The following SRBD1 variants were observed in gnomAD, a reference collection of about 807,000 sequenced individuals.
SRBD1 encodes S1 RNA-binding domain-containing protein 1.
A neutral mutation model predicts 115.3 loss-of-function variants in SRBD1; 88 were observed. That is an observed-to-expected ratio of 0.76 (90% confidence interval 0.64 to 0.91). The LOEUF (loss-of-function observed/expected upper bound fraction) is 0.91, where lower values mean the gene tolerates loss of function less well. Among genes scored for constraint, SRBD1 ranks in the 40% least tolerant of loss-of-function variants. The pLI is 0.00. For synonymous variants in SRBD1, 509 were observed against 407.7 expected, an observed-to-expected ratio of 1.25 and a Z score of -2.99; for missense variants, 1,385 against 1,177.4, an observed-to-expected ratio of 1.18 and a Z score of -2.58.
chr2:45,596,695 G>A (rs888417405), intron 4 of SRBD1, among the ~76,000 whole-genome samples: 10 of 151,988 alleles, frequency 6.6e-5, no homozygotes, highest in South Asian at 4.1e-4. Flanking sequence ...GTACAGAGCC[G>A]AGCTCATAAC....
intron 14 of SRBD1, among the ~76,000 whole-genome samples, chr2:45,535,996 A>C (rs1188839855): frequency 1.3e-5 from 2 of 151,990 alleles, no homozygotes; most frequent in Non-Finnish European, 2.9e-5. Context: ...CACTTCTTTC[A>C]GCTTTGTATA....
chr2:45,609,034 T>C (rs1674361900), intron 1 of SRBD1, among the ~76,000 whole-genome samples: 1 of 152,274 alleles, frequency 6.6e-6, no homozygotes, highest in East Asian at 1.9e-4. Context: ...CTCGAACTCC[T>C]GGCCTCAGGT....
chr2:45,490,771 A>G (rs993776054), intron 14 of SRBD1, among the ~76,000 whole-genome samples: 2 of 152,184 alleles, frequency 1.3e-5, no homozygotes. Context: ...CTCAGATAAT[A>G]AATATTCCTC....
chr2:45,488,356 A>G, intron 14 of SRBD1, 25 bp from the exon 15 acceptor site: 1 of 1,596,624 alleles, frequency 6.3e-7, no homozygotes, highest in African/African-American at 1.3e-5. Flanking sequence ...AAAGGGGAAT[A>G]TCACTTTCCT....
At chr2:45,528,107 T>C (rs928144606) in intron 14 of SRBD1, among the ~76,000 whole-genome samples, 1 of 151,920 alleles carries the variant, frequency 6.6e-6, no homozygotes, top group East Asian at 1.9e-4. Flanking sequence ...CTAATTCTTA[T>C]AATGAATAAA....
At chr2:45,500,354 T>A (rs535341669) in intron 14 of SRBD1, among the ~76,000 whole-genome samples, 14 of 151,960 alleles carry the variant, frequency 9.2e-5, no homozygotes, top group Non-Finnish European at 1.5e-4. Flanking sequence ...TATGTGTGTG[T>A]GTAGCTATTA....
intron 16 of SRBD1, among the ~76,000 whole-genome samples, chr2:45,424,298 C>T (rs939380090): frequency 1.3e-5 from 2 of 152,102 alleles, no homozygotes; most frequent in Non-Finnish European, 2.9e-5. Flanking sequence ...CTTGTGTAAT[C>T]CCCTCCTACT....
chr2:45,582,812 C>T (rs1673405931), intron 5 of SRBD1, among the ~76,000 whole-genome samples: 1 of 152,150 alleles, frequency 6.6e-6, no homozygotes, highest in African/African-American at 2.4e-5. Context: ...TACTTAAAAA[C>T]CAAGGTATAG....
intron 14 of SRBD1, among the ~76,000 whole-genome samples, chr2:45,502,866 C>T (rs1670679304): frequency 6.6e-6 from 1 of 152,104 alleles, no homozygotes; most frequent in Admixed American, 6.5e-5. Context: ...GTCACCCATG[C>T]TGGAGTACAG....
chr2:45,434,457 C>G (rs751820316), intron 16 of SRBD1, among the ~76,000 whole-genome samples: 3 of 152,140 alleles, frequency 2.0e-5, no homozygotes, highest in Non-Finnish European at 4.4e-5. Flanking sequence ...CATATGTGCA[C>G]CTTAACATTT....
At chr2:45,474,254 G>T (rs182355008) in intron 16 of SRBD1, among the ~76,000 whole-genome samples, 66 of 152,208 alleles carry the variant, frequency 4.3e-4, no homozygotes, top group Admixed American at 1.2e-3. Flanking sequence ...TAAGTTTGGT[G>T]CCTCATTTGT....
chr2:45,491,221 C>T (rs965932616), intron 14 of SRBD1, among the ~76,000 whole-genome samples: 5 of 151,928 alleles, frequency 3.3e-5, no homozygotes, highest in Non-Finnish European at 7.4e-5. Flanking sequence ...GGAAATTTTC[C>T]AATAAACTAT....
At chr2:45,568,039 T>C (rs1672889658) in intron 9 of SRBD1, 3 of 151,736 alleles carry the variant, frequency 2.0e-5, no homozygotes. Context: ...AGTAGTGGGT[T>C]AAAGCGGAAT....
intron 19 of SRBD1, among the ~76,000 whole-genome samples, chr2:45,409,932 CA>C (rs1292233924): frequency 6.6e-6 from 1 of 152,060 alleles, no homozygotes; most frequent in African/African-American, 2.4e-5. Context: ...AGCAATATGA[CA>C]TTTTTTTTGT....
chr2:45,463,707 T>C (rs1198936764), intron 16 of SRBD1, among the ~76,000 whole-genome samples: 4 of 152,218 alleles, frequency 2.6e-5, no homozygotes, highest in African/African-American at 9.7e-5. Flanking sequence ...CATATAATTA[T>C]ATCCCAAAAT....
chr2:45,495,920 C>T (rs887813653), intron 14 of SRBD1, among the ~76,000 whole-genome samples: 1 of 152,188 alleles, frequency 6.6e-6, no homozygotes, highest in Non-Finnish European at 1.5e-5. Context: ...TGTCAACCCA[C>T]CTGCCATCCC....
At chr2:45,596,971 A>C (rs1673919088) in intron 4 of SRBD1, among the ~76,000 whole-genome samples, 1 of 137,808 alleles carries the variant, frequency 7.3e-6, no homozygotes, top group Non-Finnish European at 1.6e-5. Flanking sequence ...TAACACACAC[A>C]CCCACACCCA....
chr2:45,595,465 T>A (rs1673865563), intron 4 of SRBD1, among the ~76,000 whole-genome samples: 1 of 152,214 alleles, frequency 6.6e-6, no homozygotes, highest in Non-Finnish European at 1.5e-5. Flanking sequence ...GGACATACAT[T>A]TTGTGGCAGA....
chr2:45,495,933 C>G (rs537819129), intron 14 of SRBD1, among the ~76,000 whole-genome samples: 1 of 152,316 alleles, frequency 6.6e-6, no homozygotes, highest in South Asian at 2.1e-4. Context: ...GCCATCCCCA[C>G]AAAGCACCCA....
Sources: allele counts gnomAD v4.1 joint callset (sites outside exome capture counted in the v4.1 genomes callset), GRCh38; gene constraint gnomAD v4.1.1; transcripts MANE v1.5; gene names NCBI Gene and HGNC (gene_info 2026-07-23, HGNC 2026-07-21).